EPS15: variants seen among roughly 807,000 people sequenced by gnomAD.
EPS15 encodes epidermal growth factor receptor substrate 15.
Under a neutral mutation model 113.8 loss-of-function variants are expected in EPS15, and 72 were observed. The ratio of observed to expected loss-of-function variants is 0.63; its 90% CI spans 0.52 to 0.77. EPS15 has a LOEUF of 0.77. EPS15 is among the 30% of genes least tolerant of loss of function. The pLI is 0.00. For synonymous variants in EPS15, 344 were observed against 363.4 expected, an observed-to-expected ratio of 0.95 and a Z score of 0.61; for missense variants, 1,048 against 1,045.8, an observed-to-expected ratio of 1.00 and a Z score of -0.03.
chr1:51,373,558 G>A (rs1423496749), intron 21 of EPS15, among the ~76,000 whole-genome samples: 1 of 152,178 alleles, frequency 6.6e-6, no homozygotes, highest in African/African-American at 2.4e-5. Context: ...CATGGGGGCT[G>A]CTAAATGGAA....
intron 12 of EPS15, among the ~76,000 whole-genome samples, chr1:51,437,243 C>T (rs911825272): frequency 2.0e-5 from 3 of 152,086 alleles, no homozygotes; most frequent in African/African-American, 4.8e-5. Context: ...ACCCAACTAA[C>T]TCAAGTTTAT....
rs1199098364 is a variant in EPS15 at position 51,444,948 on chromosome 1, G to A, written c.895C>T (p.Pro299Ser). 1 of 1,613,946 alleles carries A rather than the reference G, an allele frequency of 6.2e-7. No homozygotes were observed. The change falls in exon 11 of 25, where the codon CCT becomes TCT. Residue 299 changes from proline (P) to serine (S), a missense_variant. Coordinates refer to ENST00000371733, the MANE Select transcript of EPS15 (RefSeq NM_001981.3). ...ATTTCAGGAGTAAGAACGTGAGGAG[G>A]ATCAATGCCCTTGATTAACTTCTGA... ...ISQKLIKGID[P>S]PHVLTPEMIP...
At chr1:51,454,726 T>A (rs1653847020) in intron 8 of EPS15, among the ~76,000 whole-genome samples, 1 of 152,150 alleles carries the variant, frequency 6.6e-6, no homozygotes, top group Admixed American at 6.5e-5. Context: ...ATACCCTAGA[T>A]TGGATCCTGT....
chr1:51,390,327 A>G (rs1647237961), intron 21 of EPS15, among the ~76,000 whole-genome samples: 2 of 152,122 alleles, frequency 1.3e-5, no homozygotes, highest in Admixed American at 1.3e-4. Flanking sequence ...AGATGGATTA[A>G]AGACTTAAAC....
At chr1:51,423,437 A>G in intron 12 of EPS15, 1 of 985,292 alleles carries the variant, frequency 1.0e-6, no homozygotes, top group Non-Finnish European at 1.2e-6. Flanking sequence ...AATCTTGGAA[A>G]TTTTCTTTCC....
intron 8 of EPS15, among the ~76,000 whole-genome samples, chr1:51,460,164 G>A (rs1053332876): frequency 2.0e-5 from 3 of 152,146 alleles, no homozygotes; most frequent in African/African-American, 7.2e-5. Flanking sequence ...TCACAAATTT[G>A]TAGCAACAAG....
At chr1:51,464,300 C>T (rs1654689893) in intron 6 of EPS15, among the ~76,000 whole-genome samples, 1 of 149,212 alleles carries the variant, frequency 6.7e-6, no homozygotes, top group African/African-American at 2.5e-5. Flanking sequence ...AGTGCAGTGG[C>T]ACAATCTCAG....
chr1:51,393,717 T>C (rs1435104985), intron 21 of EPS15, among the ~76,000 whole-genome samples: 1 of 152,210 alleles, frequency 6.6e-6, no homozygotes, highest in African/African-American at 2.4e-5. Flanking sequence ...TGTTTATCTG[T>C]TTTGTTTTAA....
intron 12 of EPS15, among the ~76,000 whole-genome samples, chr1:51,430,586 C>T (rs1474996295): frequency 6.8e-6 from 1 of 147,406 alleles, no homozygotes; most frequent in Admixed American, 6.7e-5. Context: ...AAAAAAAAAT[C>T]AAGAATTCGT....
At chr1:51,394,527 T>C (rs1437698222) in intron 20 of EPS15, 80 bp from the exon 21 acceptor site, 2 of 742,646 alleles carry the variant, frequency 2.7e-6, no homozygotes, top group South Asian at 2.2e-5. Context: ...AAAGAATATA[T>C]TCTTTACAAA....
intron 1 of EPS15, among the ~76,000 whole-genome samples, chr1:51,502,418 C>T (rs1031773867): frequency 2.0e-5 from 3 of 152,054 alleles, no homozygotes; most frequent in Admixed American, 1.3e-4. Flanking sequence ...ATTATACATA[C>T]GTATGCTTCA....
At chr1:51,383,435 G>T (rs537533205) in intron 21 of EPS15, among the ~76,000 whole-genome samples, 10 of 152,146 alleles carry the variant, frequency 6.6e-5, no homozygotes, top group African/African-American at 2.4e-4. Context: ...TTAGGACTTG[G>T]GGGTGGGATG....
At chr1:51,358,227 G>A (rs146705846) in intron 24 of EPS15, among the ~76,000 whole-genome samples, 16 of 152,190 alleles carry the variant, frequency 1.1e-4, no homozygotes, top group African/African-American at 3.9e-4. Flanking sequence ...GGAAGTTGAG[G>A]CTGCAGTGAG....
intron 21 of EPS15, among the ~76,000 whole-genome samples, chr1:51,384,294 CTTTCTTTTTT>C (rs1242308450): frequency 7.1e-5 from 7 of 98,514 alleles, no homozygotes; most frequent in African/African-American, 2.4e-4. Flanking sequence ...CTTTTTCTTT[CTTTCTTTTTT>C]TTTTTTTTTT....
intron 1 of EPS15, among the ~76,000 whole-genome samples, chr1:51,497,848 G>A (rs978869066): frequency 7.2e-5 from 11 of 151,798 alleles, no homozygotes; most frequent in South Asian, 2.1e-4. Flanking sequence ...ATGGTGGTGC[G>A]CGCCTGTAGT....
At chr1:51,517,805 C>T (rs1644752210) in intron 1 of EPS15, among the ~76,000 whole-genome samples, 1 of 152,198 alleles carries the variant, frequency 6.6e-6, no homozygotes, top group South Asian at 2.1e-4. Context: ...CCTTATGACA[C>T]TTAGAATTCC....
At chr1:51,399,399 A>G (rs182537715) in intron 19 of EPS15, among the ~76,000 whole-genome samples, 35 of 152,154 alleles carry the variant, frequency 2.3e-4, no homozygotes, top group African/African-American at 7.5e-4. Flanking sequence ...AAAAAACACA[A>G]AAATTAGCCA....
intron 20 of EPS15, among the ~76,000 whole-genome samples, chr1:51,398,288 C>T (rs1036791258): frequency 2.0e-5 from 3 of 152,124 alleles, no homozygotes; most frequent in African/African-American, 7.2e-5. Context: ...CTCCTGACCT[C>T]GTGATCCGCC....
chr1:51,508,523 T>C (rs1434702835), intron 1 of EPS15, among the ~76,000 whole-genome samples: 2 of 152,178 alleles, frequency 1.3e-5, no homozygotes, highest in Non-Finnish European at 2.9e-5. Context: ...TTAAGTAATT[T>C]GCCATGATCA....
Sources: gnomAD v4.1 joint callset for allele counts (sites outside exome capture counted in the v4.1 genomes callset) on GRCh38, gnomAD v4.1.1 for gene constraint, MANE v1.5 for transcripts, NCBI Gene and HGNC (gene_info 2026-07-23, HGNC 2026-07-21) for gene names.